Variants in MAGI1 observed in about 807,000 individuals in gnomAD.
The protein encoded by MAGI1 is membrane-associated guanylate kinase, WW and PDZ domain-containing protein 1.
Under a neutral mutation model 139.9 loss-of-function variants are expected in MAGI1, and 58 were observed. The observed-to-expected ratio is 0.41, with a 90% CI of 0.34 to 0.52. The LOEUF is 0.52. MAGI1 is among the 20% of genes least tolerant of loss of function. The pLI, the probability that MAGI1 is intolerant of heterozygous loss-of-function variation, is 0.12. For synonymous variants in MAGI1, 812 were observed against 737.9 expected (o/e 1.10, Z -1.63); for missense variants, 1,874 against 1,901.6 (o/e 0.99, Z 0.27).
chr3:65,876,090 G>A (rs73835406), intron 1 of MAGI1, among the ~76,000 whole-genome samples: 15,052 of 151,614 alleles, frequency 0.099, 866 homozygotes, highest in Middle Eastern at 0.15. Flanking sequence ...GGAGAGTTTA[G>A]GGAAGAATTA....
chr3:65,902,986 G>C (rs1160601326), intron 1 of MAGI1, among the ~76,000 whole-genome samples: 1 of 152,128 alleles, frequency 6.6e-6, no homozygotes, highest in African/African-American at 2.4e-5. Context: ...TCAGCTCAAA[G>C]TCTTTTTTGG....
At chr3:65,695,419 G>A (rs1156466317) in intron 1 of MAGI1, among the ~76,000 whole-genome samples, 1 of 152,148 alleles carries the variant, frequency 6.6e-6, no homozygotes, top group Non-Finnish European at 1.5e-5. Flanking sequence ...AGGAGGTCCT[G>A]GATATCCTCC....
chr3:65,677,756 C>T (rs1291445169), intron 1 of MAGI1, among the ~76,000 whole-genome samples: 1 of 152,214 alleles, frequency 6.6e-6, no homozygotes. Context: ...CCAAAAGAGG[C>T]ACCTTGGCCG....
chr3:65,675,659 A>G (rs922497102), intron 1 of MAGI1, among the ~76,000 whole-genome samples: 3 of 152,220 alleles, frequency 2.0e-5, no homozygotes, highest in African/African-American at 7.2e-5. Context: ...GTGGCTCATT[A>G]CAGTGTCACA....
chr3:65,535,122 A>C (rs2078903078), intron 2 of MAGI1, among the ~76,000 whole-genome samples: 1 of 152,234 alleles, frequency 6.6e-6, no homozygotes, highest in South Asian at 2.1e-4. Context: ...TTGTTCCCCA[A>C]GGGACTCTAC....
intron 1 of MAGI1, among the ~76,000 whole-genome samples, chr3:66,030,735 C>T (rs1272568387): frequency 1.3e-5 from 2 of 152,250 alleles, no homozygotes; most frequent in East Asian, 3.9e-4. Context: ...TAGGACAGGT[C>T]ACGGGCAGCC....
intron 1 of MAGI1, among the ~76,000 whole-genome samples, chr3:65,740,863 C>G (rs534915467): frequency 8.5e-4 from 130 of 152,334 alleles, no homozygotes; most frequent in Non-Finnish European, 5.9e-5. Context: ...CACACATCCA[C>G]AAACACTAGA....
At chr3:65,597,195 CACACTGAGCAGGCTTTCA>C in intron 2 of MAGI1, among the ~76,000 whole-genome samples, 1 of 151,820 alleles carries the variant, frequency 6.6e-6, no homozygotes, top group Non-Finnish European at 1.5e-5. Flanking sequence ...CCCTGCCCTC[CACACTGAGCAGGCTTTCA>C]TCTCCTCCTT....
rs67423926 is a variant in MAGI1 at position 65,749,710 on chromosome 3, T to TTA, written c.314-127623_314-127622insTA. Among the ~76,000 whole-genome samples the TTA allele has an allele frequency of 1.2e-3, 160 of 134,812 alleles. 1 individual carries two copies. The highest frequency in any genetic ancestry group is 3.8e-3 in the Middle Eastern group (1 of 262). 88.4% of individuals were successfully genotyped at this position (134,812 alleles called of 152,430 possible). Reference sequence around the variant, plus strand: ...ATATAAAACCAGGTCTAGTCTGAGTTAAAAAAAAAAAAAAAAAACTGCTGT... The same window carrying TTA: ...ATATAAAACCAGGTCTAGTCTGAGTTTAAAAAAAAAAAAAAAAAAACTGCTGT... On this transcript the variant is annotated intron_variant, in intron 1 of 22. Coordinates refer to ENST00000402939, the MANE Select transcript of MAGI1 (RefSeq NM_001033057.2).
At chr3:65,982,056 T>C (rs60812265) in intron 1 of MAGI1, among the ~76,000 whole-genome samples, 192 of 152,326 alleles carry the variant, frequency 1.3e-3, no homozygotes, top group African/African-American at 4.4e-3. Context: ...CTTTCTCCCC[T>C]TGCAGGGTTG....
intron 1 of MAGI1, among the ~76,000 whole-genome samples, chr3:65,959,974 T>C (rs1421432323): frequency 6.6e-6 from 1 of 150,890 alleles, no homozygotes; most frequent in Admixed American, 6.6e-5. Flanking sequence ...CCCAGCTAAT[T>C]TTTTTGTATT....
At chr3:65,360,395 T>C in intron 22 of MAGI1, 1 of 963,600 alleles carries the variant, frequency 1.0e-6, no homozygotes, top group Non-Finnish European at 1.2e-6. Context: ...CTCAAATAAA[T>C]AGGACATAAT....
chr3:65,381,060 T>C (rs532968359), intron 16 of MAGI1, among the ~76,000 whole-genome samples: 1 of 152,312 alleles, frequency 6.6e-6, no homozygotes, highest in South Asian at 2.1e-4. Flanking sequence ...CAATCACCTC[T>C]GCTGCACTCT....
intron 14 of MAGI1, among the ~76,000 whole-genome samples, chr3:65,387,386 T>C (rs1426056961): frequency 2.0e-4 from 4 of 20,382 alleles, no homozygotes; most frequent in African/African-American, 3.9e-4. Flanking sequence ...CATTTTTTCT[T>C]TCTTTTTTTT....
chr3:65,753,058 T>C (rs1369144227), intron 1 of MAGI1, among the ~76,000 whole-genome samples: 1 of 152,090 alleles, frequency 6.6e-6, no homozygotes, highest in Non-Finnish European at 1.5e-5. Flanking sequence ...GTCAGAATGA[T>C]TTTTTTCCTC....
intron 1 of MAGI1, among the ~76,000 whole-genome samples, chr3:65,734,087 T>G (rs1402323297): frequency 6.6e-6 from 1 of 152,206 alleles, no homozygotes; most frequent in East Asian, 1.9e-4. Flanking sequence ...AGTCGATTTT[T>G]CCCATGGCTG....
At chr3:65,449,832 C>T (rs1333444147) in intron 6 of MAGI1, among the ~76,000 whole-genome samples, 1 of 152,032 alleles carries the variant, frequency 6.6e-6, no homozygotes. Context: ...CCAAGGCTCA[C>T]ACAAATAAAA....
At chr3:65,791,106 C>A (rs1000414073) in intron 1 of MAGI1, among the ~76,000 whole-genome samples, 1 of 152,122 alleles carries the variant, frequency 6.6e-6, no homozygotes, top group South Asian at 2.1e-4. Flanking sequence ...AAAGAATGTG[C>A]AAATCAACAT....
intron 2 of MAGI1, among the ~76,000 whole-genome samples, chr3:65,615,839 T>G (rs1160478289): frequency 6.6e-6 from 1 of 152,198 alleles, no homozygotes; most frequent in Non-Finnish European, 1.5e-5. Flanking sequence ...ACATAAATCA[T>G]AGCTCACCTT....
Sources: gnomAD v4.1 joint callset for allele counts (sites outside exome capture counted in the v4.1 genomes callset) on GRCh38, gnomAD v4.1.1 for gene constraint, MANE v1.5 for transcripts, NCBI Gene and HGNC (gene_info 2026-07-23, HGNC 2026-07-21) for gene names.